Variants in B3GALT1 observed in about 807,000 individuals in gnomAD.
B3GALT1 encodes the protein UDP-Gal:betaGlcNAc beta 1,3-galactosyltransferase, polypeptide 1.
In B3GALT1, 10 loss-of-function variants were observed where a neutral mutation model predicts 23.2. That is an observed-to-expected ratio of 0.43 (90% CI 0.27 to 0.73). The LOEUF (loss-of-function observed/expected upper bound fraction) is 0.73. Ranked by LOEUF, B3GALT1 falls within the 30% of genes least tolerant of loss-of-function variation. The pLI is 0.21. For missense variants in B3GALT1, 299 were observed against 405.4 expected (o/e 0.74, Z 2.25); for synonymous variants, 156 against 141.5 (o/e 1.10, Z -0.73).
At chr2:167,491,003 T>A (rs1258923586) in intron 2 of B3GALT1, among the ~76,000 whole-genome samples, 2 of 152,186 alleles carry the variant, frequency 1.3e-5, no homozygotes, top group African/African-American at 4.8e-5. Context: ...CAGGGGCACA[T>A]CTCAATTCTG....
chr2:167,370,325 A>T (rs1035683911), intron 1 of B3GALT1, among the ~76,000 whole-genome samples: 1 of 152,212 alleles, frequency 6.6e-6, no homozygotes, highest in Admixed American at 6.5e-5. Flanking sequence ...AGGGGCATAT[A>T]TAACACCTAA....
At chr2:167,315,293 A>C (rs1322767114) in intron 1 of B3GALT1, among the ~76,000 whole-genome samples, 1 of 152,144 alleles carries the variant, frequency 6.6e-6, no homozygotes, top group Non-Finnish European at 1.5e-5. Context: ...TATACCCAAA[A>C]TAAAGTGAGA....
intron 3 of B3GALT1, among the ~76,000 whole-genome samples, chr2:167,657,416 G>C (rs1306565741): frequency 1.3e-5 from 2 of 152,102 alleles, no homozygotes; most frequent in Non-Finnish European, 1.5e-5. Flanking sequence ...CTGCGGGACA[G>C]CCTGAAAGGA....
chr2:167,459,092 A>G (rs1699217005), intron 1 of B3GALT1, among the ~76,000 whole-genome samples: 1 of 152,134 alleles, frequency 6.6e-6, no homozygotes, highest in Admixed American at 6.6e-5. Context: ...TTTGACTGAT[A>G]TTATTTCATT....
At chr2:167,302,789 TG>T (rs1179752737) in intron 1 of B3GALT1, among the ~76,000 whole-genome samples, 1 of 152,198 alleles carries the variant, frequency 6.6e-6, no homozygotes, top group Non-Finnish European at 1.5e-5. Context: ...TTAAAGATTC[TG>T]TTAAATATGA....
intron 1 of B3GALT1, among the ~76,000 whole-genome samples, chr2:167,352,249 G>A (rs1160101918): frequency 7.2e-6 from 1 of 139,426 alleles, no homozygotes. Context: ...TTACAGGTGT[G>A]AGCCACCATG....
At chr2:167,680,697 G>C (rs1686514173) in intron 3 of B3GALT1, among the ~76,000 whole-genome samples, 1 of 152,200 alleles carries the variant, frequency 6.6e-6, no homozygotes, top group South Asian at 2.1e-4. Context: ...ATTTGTCTAA[G>C]CCAAGGCTGT....
chr2:167,610,631 C>T (rs777759938), intron 2 of B3GALT1, among the ~76,000 whole-genome samples: 1 of 151,860 alleles, frequency 6.6e-6, no homozygotes, highest in Non-Finnish European at 1.5e-5. Flanking sequence ...GAAATAAGAA[C>T]CACACCTGGT....
At chr2:167,733,475 C>A (rs1053911473) in intron 3 of B3GALT1, among the ~76,000 whole-genome samples, 1 of 151,972 alleles carries the variant, frequency 6.6e-6, no homozygotes, top group African/African-American at 2.4e-5. Flanking sequence ...TGGCCCAAGA[C>A]AATTCTTCTT....
intron 1 of B3GALT1, among the ~76,000 whole-genome samples, chr2:167,320,939 GA>G (rs796393876): frequency 4.8e-5 from 7 of 146,862 alleles, no homozygotes; most frequent in East Asian, 4.0e-4. Context: ...TCCTAAACAT[GA>G]AAAAAAAAAT....
At chr2:167,451,446 G>C (rs1699089330) in intron 1 of B3GALT1, among the ~76,000 whole-genome samples, 1 of 152,144 alleles carries the variant, frequency 6.6e-6, no homozygotes, top group Non-Finnish European at 1.5e-5. Flanking sequence ...CAGGTGAGCT[G>C]TAGTGATTGT....
rs998446146 is a variant in B3GALT1 at position 167,545,609 on chromosome 2, C to G, written c.-410+55332C>G. ...CAGCCAACTTAGCCACCTAGTCCCT[C>G]AATGGCACAGTCCTGTACAGGACTG... On this transcript the variant is annotated intron_variant, in intron 2 of 4. Transcript: ENST00000392690. Among the ~76,000 whole-genome samples the G allele has an allele frequency of 5.4e-4, 82 of 152,124 alleles. 4 individuals are homozygous for G. The highest frequency in any genetic ancestry group is 2.9e-5 in the Non-Finnish European group (2 of 68,020).
At chr2:167,775,102 AGAAG>A (rs1185271759) in intron 3 of B3GALT1, among the ~76,000 whole-genome samples, 1 of 152,222 alleles carries the variant, frequency 6.6e-6, no homozygotes, top group Non-Finnish European at 1.5e-5. Flanking sequence ...GAACTCTATA[AGAAG>A]GAAGATAAAT....
At chr2:167,591,987 A>G (rs958551599) in intron 2 of B3GALT1, among the ~76,000 whole-genome samples, 5 of 152,158 alleles carry the variant, frequency 3.3e-5, no homozygotes, top group African/African-American at 1.2e-4. Context: ...TAGATCCAAT[A>G]GGATTTGACA....
rs775837817 is a variant in B3GALT1, at chr2:167,326,996, C to A, written c.-511+33662C>A. On this transcript the variant is annotated intron_variant, in intron 1 of 4. Coordinates refer to ENST00000392690, the MANE Select transcript of B3GALT1 (RefSeq NM_020981.4). The stretch of plus-strand genomic sequence containing the variant: ...TGAGCCAGGATGCCTGGCCGCAGTA[C>A]CATTTATTGAAGAGGGTGTCCTTTC... Among the ~76,000 whole-genome samples the A allele has an allele frequency of 1.9e-4, 29 of 151,974 alleles. 1 individual carries two copies. The highest frequency in any genetic ancestry group is 3.8e-4 in the Non-Finnish European group (26 of 67,962).
intron 2 of B3GALT1, among the ~76,000 whole-genome samples, chr2:167,632,124 T>G (rs1262579609): frequency 6.6e-6 from 1 of 152,056 alleles, no homozygotes; most frequent in Admixed American, 6.6e-5. Flanking sequence ...GGACATGAAC[T>G]CATCCTTTTT....
intron 1 of B3GALT1, among the ~76,000 whole-genome samples, chr2:167,348,042 T>C (rs1697252028): frequency 6.6e-6 from 1 of 152,196 alleles, no homozygotes; most frequent in Non-Finnish European, 1.5e-5. Flanking sequence ...TTTCTGAATC[T>C]TTGTTTCATC....
chr2:167,800,937 T>C (rs1001738762), intron 3 of B3GALT1, among the ~76,000 whole-genome samples: 1 of 152,180 alleles, frequency 6.6e-6, no homozygotes, highest in Admixed American at 6.5e-5. Context: ...TAAACACCCA[T>C]GTTTGGAAAC....
chr2:167,353,926 T>C (rs1036119169), intron 1 of B3GALT1, among the ~76,000 whole-genome samples: 1 of 152,120 alleles, frequency 6.6e-6, no homozygotes, highest in Non-Finnish European at 1.5e-5. Flanking sequence ...GATATAAATA[T>C]GGTTTATTTA....
Sources: gnomAD v4.1 joint callset for allele counts (sites outside exome capture counted in the v4.1 genomes callset) on GRCh38, gnomAD v4.1.1 for gene constraint, MANE v1.5 for transcripts, NCBI Gene and HGNC (gene_info 2026-07-23, HGNC 2026-07-21) for gene names.